Variants in TBXAS1 observed in about 807,000 individuals in gnomAD.
TBXAS1 encodes the protein thromboxane-A synthase.
A neutral mutation model predicts 60.7 loss-of-function variants in TBXAS1; 48 were observed. The ratio of observed to expected loss-of-function variants is 0.79; its 90% CI spans 0.63 to 1.01. TBXAS1 has a LOEUF of 1.01. Ranked by LOEUF, TBXAS1 falls within the 50% of genes least tolerant of loss-of-function variation. The pLI is 0.00. For missense variants in TBXAS1, 685 were observed against 686.3 expected, an observed-to-expected ratio of 1.00 and a Z score of 0.02; for synonymous variants, 287 against 269.7, an observed-to-expected ratio of 1.06 and a Z score of -0.63.
At chr7:139,968,929 T>G (rs950509852) in intron 9 of TBXAS1, among the ~76,000 whole-genome samples, 9 of 152,238 alleles carry the variant, frequency 5.9e-5, no homozygotes, top group African/African-American at 2.2e-4. Context: ...TGCTTCATTG[T>G]GTTCTCATGT....
Position 139,800,452 on chromosome 7 carries a change from A to G in TBXAS1, c.-80+13026A>G, listed in dbSNP as rs549136715. On this transcript the variant is annotated intron_variant, in intron 4 of 16. Transcript: ENST00000336425. ...CCTCTCATCTCCTAGGTCTTGGCTT[A>G]AATATCTTCAGAGAAGCCCTTCTGG... 2.1e-3 allele frequency among the ~76,000 whole-genome samples: 318 copies of G among 152,268 alleles called. 1 individual carries two copies. The highest frequency in any genetic ancestry group is 7.3e-3 in the African/African-American group (302 of 41,546).
Position 139,953,460 on chromosome 7 carries a change from AGGC to A in TBXAS1, c.539+5_539+7del. 6.2e-7 allele frequency: 1 copy of A among 1,613,936 alleles called. No individual in the cohort carries two copies. Among genetic ancestry groups the A allele is most frequent in the African/African-American group, 1.3e-5 (1 of 75,068 alleles). On this transcript the variant is annotated splice_donor_5th_base_variant and intron_variant, in intron 6 of 12. Transcript: ENST00000448866. ...GGGACGCATTTGACATCCAGAGGTAAGGCTGCTGCATTACAGATGAGAAATCGA... is the reference window on the plus strand; with the variant it reads ...GGGACGCATTTGACATCCAGAGGTAATGCTGCATTACAGATGAGAAATCGA...
chr7:139,918,740 A>G (rs1477444339), intron 4 of TBXAS1, among the ~76,000 whole-genome samples: 1 of 152,128 alleles, frequency 6.6e-6, no homozygotes, highest in Non-Finnish European at 1.5e-5. Flanking sequence ...GACTAGGCAG[A>G]TAGAGCCCAA....
At chr7:139,937,823 G>A (rs549394052) in intron 5 of TBXAS1, among the ~76,000 whole-genome samples, 1 of 151,480 alleles carries the variant, frequency 6.6e-6, no homozygotes, top group South Asian at 2.1e-4. Flanking sequence ...CTACCTCCAT[G>A]TGATTTTCCA....
At chr7:139,900,085 G>A (rs1569510670) in intron 3 of TBXAS1, among the ~76,000 whole-genome samples, 2 of 152,172 alleles carry the variant, frequency 1.3e-5, no homozygotes, top group Admixed American at 6.5e-5. Context: ...AAATGCTAAC[G>A]ATTGTTGTTA....
chr7:139,983,071 C>A (rs1812077752), intron 9 of TBXAS1, among the ~76,000 whole-genome samples: 2 of 152,154 alleles, frequency 1.3e-5, no homozygotes. Context: ...ACTTCATATT[C>A]TTCTCAAATT....
intron 5 of TBXAS1, among the ~76,000 whole-genome samples, chr7:139,951,593 T>TA (rs66551791): frequency 0.012 from 778 of 66,280 alleles, 23 homozygotes; most frequent in East Asian, 0.034. Flanking sequence ...CCGTCTCTAC[T>TA]AAAAAAAAAA....
chr7:139,921,180 G>C (rs1806439909), intron 4 of TBXAS1, among the ~76,000 whole-genome samples: 1 of 151,836 alleles, frequency 6.6e-6, no homozygotes, highest in Non-Finnish European at 1.5e-5. Context: ...ACACCACCCA[G>C]ATCAAGACAC....
At chr7:139,903,603 T>G (rs1569511162) in intron 3 of TBXAS1, among the ~76,000 whole-genome samples, 1 of 151,984 alleles carries the variant, frequency 6.6e-6, no homozygotes, top group Non-Finnish European at 1.5e-5. Flanking sequence ...CACGCCAACA[T>G]CTACTGTTTT....
At chr7:139,883,561 G>A (rs7778515) in intron 3 of TBXAS1, among the ~76,000 whole-genome samples, 71,100 of 151,962 alleles carry the variant, frequency 0.47, 17,036 homozygotes, top group African/African-American at 0.57. Flanking sequence ...TTGGGTAGAA[G>A]CATCCAACAG....
At chr7:139,954,998 G>A (rs1809725782) in intron 6 of TBXAS1, among the ~76,000 whole-genome samples, 1 of 152,196 alleles carries the variant, frequency 6.6e-6, no homozygotes, top group Non-Finnish European at 1.5e-5. Context: ...AATTCATCAA[G>A]GACAATTTGA....
At chr7:139,904,923 G>A (rs1241838468) in intron 3 of TBXAS1, among the ~76,000 whole-genome samples, 2 of 151,862 alleles carry the variant, frequency 1.3e-5, no homozygotes, top group African/African-American at 4.8e-5. Context: ...TAGCGATACG[G>A]ATGCTCTCCT....
At chr7:139,941,269 A>G (rs1447615694) in intron 5 of TBXAS1, among the ~76,000 whole-genome samples, 1 of 152,202 alleles carries the variant, frequency 6.6e-6, no homozygotes, top group Non-Finnish European at 1.5e-5. Context: ...TGGCAGCCTA[A>G]GTCCCTCTCT....
intron 1 of TBXAS1, among the ~76,000 whole-genome samples, chr7:139,859,931 G>A (rs1446340991): frequency 2.0e-5 from 3 of 152,254 alleles, no homozygotes; most frequent in Non-Finnish European, 2.9e-5. Flanking sequence ...TTGAGGTTAG[G>A]AGTTCGAGAC....
intron 9 of TBXAS1, among the ~76,000 whole-genome samples, chr7:139,995,795 A>G (rs2284213): frequency 0.42 from 63,715 of 151,978 alleles, 15,243 homozygotes; most frequent in African/African-American, 0.67. Flanking sequence ...CCATGGGCTC[A>G]CCCTGCAGAT....
At chr7:139,882,404 T>G (rs1207626248) in intron 3 of TBXAS1, among the ~76,000 whole-genome samples, 1 of 152,202 alleles carries the variant, frequency 6.6e-6, no homozygotes, top group African/African-American at 2.4e-5. Context: ...AGATGGCACT[T>G]GTTTTTAAAC....
chr7:139,950,658 T>TCCCTCACCCTCCATCTATGGGACC (rs1809138831), intron 5 of TBXAS1, among the ~76,000 whole-genome samples: 2 of 122,718 alleles, frequency 1.6e-5, no homozygotes, highest in Non-Finnish European at 3.5e-5. Flanking sequence ...TCTACAGGAC[T>TCCCTCACCCTCCATCTATGGGACC]CCCTCACCCT....
chr7:139,991,924 G>A (rs935329408), intron 9 of TBXAS1, among the ~76,000 whole-genome samples: 4 of 152,208 alleles, frequency 2.6e-5, no homozygotes, highest in East Asian at 1.9e-4. Context: ...ACCAGAGCTC[G>A]AGGGGAGACC....
In TBXAS1 at chr7:139,842,075, G is replaced by A. The variant is rs370754835; in HGVS notation, c.89+12596G>A. Among the ~76,000 whole-genome samples the A allele has an allele frequency of 3.3e-5, 5 of 152,260 alleles. No homozygotes were observed. The East Asian group carries it at 9.6e-4, about 29-fold the overall frequency. ...GCTTGCAGAAGAGGTGTATGAACCA[G>A]TTCTGGAAGCCTGGGAATTTTGCTG... On this transcript the variant is annotated intron_variant, in intron 1 of 12. Coordinates refer to ENST00000448866, the MANE Select transcript of TBXAS1 (RefSeq NM_001061.7).
Sources: gnomAD v4.1 joint callset for allele counts (sites outside exome capture counted in the v4.1 genomes callset) on GRCh38, gnomAD v4.1.1 for gene constraint, MANE v1.5 for transcripts, NCBI Gene and HGNC (gene_info 2026-07-23, HGNC 2026-07-21) for gene names.